The following LRRC72 variants were observed in gnomAD, a reference collection of about 807,000 sequenced individuals.
LRRC72 encodes leucine-rich repeat-containing protein 72.
LRRC72 carries 41 observed loss-of-function variants against 35.8 expected under a neutral mutation model. The ratio of observed to expected loss-of-function variants is 1.15; its 90% confidence interval spans 0.89 to 1.49. The LOEUF (loss-of-function observed/expected upper bound fraction) is 1.49, where lower values mean the gene tolerates loss of function less well. Among genes scored for constraint, LRRC72 ranks in the 40% most tolerant of loss-of-function variants. The pLI, the probability that LRRC72 is intolerant of heterozygous loss-of-function variation, is 0.00. For synonymous variants in LRRC72, 118 were observed against 119.2 expected, an observed-to-expected ratio of 0.99 and a Z score of 0.07; for missense variants, 389 against 330.7, an observed-to-expected ratio of 1.18 and a Z score of -1.37.
chr7:16,539,368 C>A (rs1782316536), intron 3 of LRRC72, among the ~76,000 whole-genome samples: 1 of 152,142 alleles, frequency 6.6e-6, no homozygotes, highest in African/African-American at 2.4e-5. Flanking sequence ...TTCTAAGCAG[C>A]AAAGTGTTCA....
At chr7:16,558,031 G>A (rs1428412343) in intron 4 of LRRC72, among the ~76,000 whole-genome samples, 2 of 152,114 alleles carry the variant, frequency 1.3e-5, no homozygotes, top group African/African-American at 4.8e-5. Context: ...ACGAGGCTAC[G>A]ACATGGCTAT....
At chr7:16,544,658 ATCT>A (rs1782413813) in intron 3 of LRRC72, among the ~76,000 whole-genome samples, 2 of 152,228 alleles carry the variant, frequency 1.3e-5, no homozygotes, top group Non-Finnish European at 2.9e-5. Context: ...CATACATATA[ATCT>A]TCTGACTTTG....
At chr7:16,538,106 A>T (rs1782294348) in intron 3 of LRRC72, among the ~76,000 whole-genome samples, 1 of 152,224 alleles carries the variant, frequency 6.6e-6, no homozygotes, top group Admixed American at 6.5e-5. Flanking sequence ...ATGAGAATAT[A>T]ATAGCCAACT....
At chr7:16,543,592 G>C (rs893955340) in intron 3 of LRRC72, among the ~76,000 whole-genome samples, 2 of 152,134 alleles carry the variant, frequency 1.3e-5, no homozygotes, top group African/African-American at 4.8e-5. Context: ...AGGTCCATGG[G>C]TGGATCCTGA....
chr7:16,567,996 C>G (rs1160043150), intron 7 of LRRC72, among the ~76,000 whole-genome samples: 9 of 152,150 alleles, frequency 5.9e-5, no homozygotes, highest in Middle Eastern at 3.4e-3. Flanking sequence ...TGATTATACT[C>G]ACATACAGGG....
At chr7:16,539,338 G>A (rs1299489876) in intron 3 of LRRC72, among the ~76,000 whole-genome samples, 1 of 152,190 alleles carries the variant, frequency 6.6e-6, no homozygotes, top group East Asian at 1.9e-4. Context: ...AAATTATTTA[G>A]GGTATCTGGT....
At chr7:16,530,372 T>A (rs530042492) in intron 1 of LRRC72, 1 of 152,174 alleles carries the variant, frequency 6.6e-6, no homozygotes, top group East Asian at 1.9e-4. Flanking sequence ...GTTTTTCTGT[T>A]CTATTGGGGC....
chr7:16,565,084 C>T (rs1782805822), intron 5 of LRRC72, among the ~76,000 whole-genome samples: 1 of 152,054 alleles, frequency 6.6e-6, no homozygotes, highest in Non-Finnish European at 1.5e-5. Context: ...TAGTGGTTCT[C>T]CTTATTAGGT....
At position 16,581,531 on chromosome 7, in the gene LRRC72, A is replaced by G. The variant is rs1783143663; in HGVS notation, c.*42A>G. ...ATATCTTAGTGGTTTTCAGTTGTATATTAAACTTCCCTGTGACTTAGCATA... is the reference window on the plus strand; with the variant it reads ...ATATCTTAGTGGTTTTCAGTTGTATGTTAAACTTCCCTGTGACTTAGCATA... On this transcript the variant is annotated 3_prime_UTR_variant, in exon 9 of 9. Coordinates refer to ENST00000401542, the MANE Select transcript of LRRC72 (RefSeq NM_001195280.2). 4.2e-6 allele frequency: 6 copies of G among 1,412,696 alleles called. No homozygotes were observed. The highest frequency in any genetic ancestry group is 1.4e-5 in the African/African-American group (1 of 69,652). 87.5% of individuals were successfully genotyped at this position (1,412,696 alleles called of 1,614,324 possible).
intron 5 of LRRC72, among the ~76,000 whole-genome samples, chr7:16,565,294 G>A (rs971235966): frequency 6.6e-6 from 1 of 152,072 alleles, no homozygotes; most frequent in South Asian, 2.1e-4. Flanking sequence ...TTAGCCAAGC[G>A]TGGTGGCAGG....
At chr7:16,566,101 T>A (rs114818311) in intron 5 of LRRC72, among the ~76,000 whole-genome samples, 1 of 152,364 alleles carries the variant, frequency 6.6e-6, no homozygotes, top group African/African-American at 2.4e-5. Context: ...TAGTAAGCAC[T>A]TGGTAAATAT....
chr7:16,529,259 T>G (rs1349837319), intron 1 of LRRC72, among the ~76,000 whole-genome samples: 1 of 152,180 alleles, frequency 6.6e-6, no homozygotes, highest in African/African-American at 2.4e-5. Context: ...TTCTTCTGCT[T>G]CTTCTGTTTT....
chr7:16,527,110 C>T, intron 1 of LRRC72, 68 bp downstream of exon 1: 1 of 1,249,356 alleles, frequency 8.0e-7, no homozygotes, highest in South Asian at 1.3e-5. Context: ...CCACCTCCTG[C>T]CTGAGGACTC....
intron 7 of LRRC72, among the ~76,000 whole-genome samples, chr7:16,577,532 T>C (rs774238970): frequency 6.6e-6 from 1 of 151,992 alleles, no homozygotes; most frequent in Non-Finnish European, 1.5e-5. Context: ...TTTAACTACA[T>C]GAAAATGAAA....
At chr7:16,528,271 T>C (rs566235751) in intron 1 of LRRC72, among the ~76,000 whole-genome samples, 1 of 152,248 alleles carries the variant, frequency 6.6e-6, no homozygotes, top group African/African-American at 2.4e-5. Context: ...TTCATCGTGA[T>C]CTTCCTTGGA....
chr7:16,559,306 A>C (rs1332133508), intron 5 of LRRC72, among the ~76,000 whole-genome samples: 1 of 151,974 alleles, frequency 6.6e-6, no homozygotes, highest in Non-Finnish European at 1.5e-5. Flanking sequence ...AGGCGGGAGG[A>C]TCACTTGAAC....
chr7:16,540,533 A>G (rs1372889595), intron 3 of LRRC72, among the ~76,000 whole-genome samples: 4 of 152,132 alleles, frequency 2.6e-5, no homozygotes, highest in Non-Finnish European at 4.4e-5. Context: ...AAATGTGAGA[A>G]AGACATGAGA....
At chr7:16,556,663 A>C (rs144158825) in intron 3 of LRRC72, among the ~76,000 whole-genome samples, 3 of 152,310 alleles carry the variant, frequency 2.0e-5, no homozygotes, top group African/African-American at 7.2e-5. Context: ...GCCATAAAGA[A>C]AGAGTCCAGG....
chr7:16,579,613 G>T (rs552015449), intron 7 of LRRC72, among the ~76,000 whole-genome samples: 15 of 152,038 alleles, frequency 9.9e-5, no homozygotes, highest in Admixed American at 9.2e-4. Context: ...TGTTTATTCC[G>T]TTTCTTTAAA....
Sources: gnomAD v4.1 joint callset for allele counts (sites outside exome capture counted in the v4.1 genomes callset) on GRCh38, gnomAD v4.1.1 for gene constraint, MANE v1.5 for transcripts, NCBI Gene and HGNC (gene_info 2026-07-23, HGNC 2026-07-21) for gene names.